The following LRP5 variants were observed in gnomAD, a reference collection of about 807,000 sequenced individuals.
The protein encoded by LRP5 is LDL receptor related protein 5, also known as low-density lipoprotein receptor-related protein 5.
In LRP5, 62 loss-of-function variants were observed where a neutral mutation model predicts 154.1. That is an observed-to-expected ratio of 0.40 (90% CI 0.33 to 0.50). The LOEUF is 0.50. LRP5 is among the 20% of genes least tolerant of loss of function. The probability of loss-of-function intolerance (pLI) is 0.55; values close to 1 mark genes in which losing one functional copy is unlikely to be tolerated. For missense variants in LRP5, 1,915 were observed against 2,336.7 expected, an observed-to-expected ratio of 0.82 and a Z score of 3.72; for synonymous variants, 966 against 1,011.5, an observed-to-expected ratio of 0.96 and a Z score of 0.85.
chr11:68,432,308 C>A (rs1168398844), intron 17 of LRP5, among the ~76,000 whole-genome samples: 1 of 152,254 alleles, frequency 6.6e-6, no homozygotes, highest in East Asian at 1.9e-4. Context: ...CGCCCTCAAC[C>A]TCCAGCCACC....
rs867596820 is a variant in LRP5, at chr11:68,404,446, G to A, written c.1801+747G>A. 15 of 498,670 alleles carry A rather than the reference G, an allele frequency of 3.0e-5. 1 individual carries two copies. The Middle Eastern group carries it at 1.2e-3, about 40-fold the overall frequency. The allele number at this position is 498,670 out of a possible 1,614,324, so 30.9% of individuals were successfully genotyped here. Reference sequence around the variant, plus strand: ...GATGCCCGGGTTGACTCTGCTGCCCGTCGGGTGGATGTGATGTCAGATCCC... The same window carrying A: ...GATGCCCGGGTTGACTCTGCTGCCCATCGGGTGGATGTGATGTCAGATCCC... On this transcript the variant is annotated intron_variant, in intron 8 of 22. Transcript: ENST00000294304.
At chr11:68,347,709 G>A in intron 1 of LRP5, 138 bp from the exon 2 acceptor site, 1 of 1,065,958 alleles carries the variant, frequency 9.4e-7, no homozygotes, top group South Asian at 1.3e-5. Flanking sequence ...CAACGCCTTA[G>A]GGGTGGGAGG....
At chr11:68,410,180 C>T (rs199943224) in intron 10 of LRP5, 40 bp downstream of exon 10, 7 of 1,553,436 alleles carry the variant, frequency 4.5e-6, no homozygotes, top group Admixed American at 1.7e-5. Context: ...GTGTTCACCT[C>T]GTATGAGACA....
At chr11:68,407,918 C>G (rs1264057330) in intron 9 of LRP5, among the ~76,000 whole-genome samples, 1 of 152,176 alleles carries the variant, frequency 6.6e-6, no homozygotes, top group Non-Finnish European at 1.5e-5. Flanking sequence ...AGCTTTTGTT[C>G]TGCCGAGATG....
intron 5 of LRP5, among the ~76,000 whole-genome samples, chr11:68,367,242 T>C (rs769078808): frequency 3.9e-5 from 6 of 152,198 alleles, no homozygotes; most frequent in African/African-American, 7.2e-5. Context: ...GGGAGGATTA[T>C]AGACCCTTGA....
intron 11 of LRP5, 58 bp downstream of exon 11, chr11:68,411,678 A>C: frequency 1.3e-6 from 2 of 1,539,056 alleles, no homozygotes; most frequent in East Asian, 2.3e-5. Context: ...GGCGTTGGCC[A>C]CCTCCCAGCC....
intron 9 of LRP5, among the ~76,000 whole-genome samples, chr11:68,408,242 A>ATTTTTTTTTTT (rs11299690): frequency 1.9e-5 from 1 of 52,110 alleles, no homozygotes; most frequent in African/African-American, 7.1e-5. Context: ...CTCCTGGCTG[A>ATTTTTTTTTTT]TTTTTTTTTT....
intron 5 of LRP5, among the ~76,000 whole-genome samples, chr11:68,371,785 G>T (rs1367432685): frequency 2.6e-5 from 4 of 152,268 alleles, no homozygotes; most frequent in Non-Finnish European, 4.4e-5. Context: ...GTCCCAGTGG[G>T]CAGAGGCCTC....
intron 17 of LRP5, among the ~76,000 whole-genome samples, chr11:68,432,436 T>C (rs955918783): frequency 6.6e-6 from 1 of 152,208 alleles, no homozygotes; most frequent in African/African-American, 2.4e-5. Flanking sequence ...TGGGGACAGC[T>C]GCTTCCTTTT....
chr11:68,360,391 C>T (rs1251631195), intron 3 of LRP5, among the ~76,000 whole-genome samples: 1 of 132,200 alleles, frequency 7.6e-6, no homozygotes, highest in African/African-American at 2.9e-5. Flanking sequence ...TAGTCCCAGC[C>T]AGGGTTGGAA....
At chr11:68,313,400 C>G (rs1393289324) in intron 1 of LRP5, among the ~76,000 whole-genome samples, 1 of 152,148 alleles carries the variant, frequency 6.6e-6, no homozygotes, top group Non-Finnish European at 1.5e-5. Flanking sequence ...GTGTGGCCGC[C>G]GGGTCCCCAG....
chr11:68,322,041 G>A (rs942793865), intron 1 of LRP5, among the ~76,000 whole-genome samples: 1 of 152,216 alleles, frequency 6.6e-6, no homozygotes, highest in African/African-American at 2.4e-5. Context: ...AGCAAGATAT[G>A]TTCTGGGGCT....
intron 9 of LRP5, among the ~76,000 whole-genome samples, chr11:68,408,388 A>G (rs948361237): frequency 6.6e-6 from 1 of 150,914 alleles, no homozygotes; most frequent in African/African-American, 2.4e-5. Flanking sequence ...AGCCTATTCT[A>G]CTGTTTGTAT....
At chr11:68,442,283 T>C (rs1351955258) in intron 21 of LRP5, among the ~76,000 whole-genome samples, 1 of 152,236 alleles carries the variant, frequency 6.6e-6, no homozygotes, top group Non-Finnish European at 1.5e-5. Context: ...ATAAGTGTTT[T>C]TTGTTTGTTC....
intron 17 of LRP5, 116 bp from the exon 18 acceptor site, chr11:68,433,486 G>A (rs898186524): frequency 1.1e-6 from 1 of 916,024 alleles, no homozygotes; most frequent in African/African-American, 1.6e-5. Context: ...CGTACAGCAG[G>A]GATGCCAAAC....
intron 1 of LRP5, among the ~76,000 whole-genome samples, chr11:68,326,652 T>A (rs1306134457): frequency 6.6e-6 from 1 of 152,190 alleles, no homozygotes; most frequent in Non-Finnish European, 1.5e-5. Context: ...GGGCCCACCC[T>A]CTCTCCTGCA....
At chr11:68,303,462 G>A in the LRP5 span, among the ~76,000 whole-genome samples, 87 of 152,302 alleles carry the variant, frequency 5.7e-4, no homozygotes, top group African/African-American at 2.0e-3. Flanking sequence ...GGATGACCCA[G>A]GACATCTGGG....
chr11:68,422,907 A>C (rs1436323701), intron 13 of LRP5, among the ~76,000 whole-genome samples: 1 of 99,132 alleles, frequency 1.0e-5, no homozygotes, highest in Non-Finnish European at 2.2e-5. Flanking sequence ...CCCCACCCTC[A>C]CCTGCCCTCC....
chr11:68,443,471 C>G (rs111507948), intron 21 of LRP5, among the ~76,000 whole-genome samples: 6,831 of 83,650 alleles, frequency 0.082, 158 homozygotes, highest in Middle Eastern at 0.27. Flanking sequence ...GCCTGGGCGA[C>G]AGAGCGAGAC....
Sources: allele counts gnomAD v4.1 joint callset (sites outside exome capture counted in the v4.1 genomes callset), GRCh38; gene constraint gnomAD v4.1.1; transcripts MANE v1.5; gene names NCBI Gene and HGNC (gene_info 2026-07-23, HGNC 2026-07-21).